The following ZNF354A variants were observed in gnomAD, a reference collection of about 807,000 sequenced individuals.
ZNF354A encodes the protein zinc finger protein 354A, also known as epididymis luminal protein 104.
Under a neutral mutation model 53.3 loss-of-function variants are expected in ZNF354A, and 25 were observed. The observed-to-expected ratio is 0.47, with a 90% CI of 0.34 to 0.66. The LOEUF (loss-of-function observed/expected upper bound fraction) is 0.66. ZNF354A is among the 30% of genes least tolerant of loss of function. ZNF354A has a pLI of 0.01. For synonymous variants in ZNF354A, 228 were observed against 249.0 expected, an observed-to-expected ratio of 0.92 and a Z score of 0.79; for missense variants, 586 against 716.8, an observed-to-expected ratio of 0.82 and a Z score of 2.08.
chr5:178,724,731 C>A (rs1033935176), intron 4 of ZNF354A, among the ~76,000 whole-genome samples: 1 of 152,206 alleles, frequency 6.6e-6, no homozygotes, highest in Non-Finnish European at 1.5e-5. Flanking sequence ...TTTCTCTCTG[C>A]TTATGTGCAC....
At chr5:178,720,947 A>G (rs73328602) in intron 4 of ZNF354A, among the ~76,000 whole-genome samples, 19,345 of 152,208 alleles carry the variant, frequency 0.13, 1,429 homozygotes, top group African/African-American at 0.19. Context: ...CTGGAACACA[A>G]TTAGGGTTGT....
In ZNF354A at chr5:178,712,752, G is replaced by A; in HGVS notation, c.1126C>T (p.His376Tyr). The A allele has an allele frequency of 6.2e-7, 1 of 1,614,056 alleles. No homozygotes were observed. The highest frequency in any genetic ancestry group is 8.5e-7 in the Non-Finnish European group (1 of 1,179,972). Reference protein sequence around the residue: ...SSSLRYHQRIHTGEKPFKCSE... With the variant: ...SSSLRYHQRIYTGEKPFKCSE... Reference sequence around the variant, plus strand: ...CATTTAAAAGGCTTCTCTCCAGTGTGAATTCTCTGATGATAACGAAGGGAT... The same window carrying A: ...CATTTAAAAGGCTTCTCTCCAGTGTAAATTCTCTGATGATAACGAAGGGAT... The change falls in exon 5 of 5, where the codon CAC becomes TAC. Residue 376 changes from histidine (H) to tyrosine (Y), a missense_variant. His to Tyr is a moderately conservative substitution (Grantham distance 83, BLOSUM62 2). This residue lies in a region of ZNF354A where 573 missense variants were observed against 680.1 expected (regional missense o/e 0.84). Coordinates refer to ENST00000335815, the MANE Select transcript of ZNF354A (RefSeq NM_005649.3).
chr5:178,728,239 T>C (rs538636148), intron 2 of ZNF354A, among the ~76,000 whole-genome samples: 2 of 152,310 alleles, frequency 1.3e-5, no homozygotes, highest in Admixed American at 6.5e-5. Context: ...TTAACTACTC[T>C]GTAAAACTGC....
chr5:178,716,165 G>A (rs890727041), intron 4 of ZNF354A, among the ~76,000 whole-genome samples: 1 of 152,046 alleles, frequency 6.6e-6, no homozygotes, highest in African/African-American at 2.4e-5. Flanking sequence ...CAAAGCGCTG[G>A]GATTACAGGT....
At position 178,725,252 on chromosome 5, in the gene ZNF354A, C is replaced by T. The variant is rs573344176; in HGVS notation, c.256+124G>A. 94 of 916,926 alleles carry T rather than the reference C, an allele frequency of 1.0e-4. 1 individual carries two copies. Among genetic ancestry groups the T allele is most frequent in the Non-Finnish European group, 1.4e-4 (77 of 560,180 alleles). The allele number at this position is 916,926 out of a possible 1,614,324, so 56.8% of individuals were successfully genotyped here. On this transcript the variant is annotated intron_variant, in intron 4 of 4. Coordinates refer to ENST00000335815, the MANE Select transcript of ZNF354A (RefSeq NM_005649.3). ...AATCCTGCCTAAGAGCCTGGGCTTC[C>T]GCTTCCCCATCACTTCTTGAGGCCT...
chr5:178,723,854 A>C (rs71611459), intron 4 of ZNF354A, among the ~76,000 whole-genome samples: 2,403 of 149,064 alleles, frequency 0.016, 15 homozygotes, highest in African/African-American at 0.022. Context: ...CCGTTTCTCT[A>C]CTCTGATTAC....
chr5:178,715,522 C>T (rs1016500602), intron 4 of ZNF354A, among the ~76,000 whole-genome samples: 3 of 152,104 alleles, frequency 2.0e-5, no homozygotes, highest in African/African-American at 4.8e-5. Flanking sequence ...GTTCCTTCTC[C>T]GTTTCAGTCT....
chr5:178,713,409 T>C lies in ZNF354A; in HGVS notation c.469A>G (p.Arg157Gly). 1.2e-6 allele frequency: 2 copies of C among 1,613,562 alleles called. No individual in the cohort carries two copies. The highest frequency in any genetic ancestry group is 2.2e-5 in the East Asian group (1 of 44,848). The change falls in exon 5 of 5, where the codon AGA becomes GGA. Residue 157 changes from arginine to glycine, a missense_variant. Coordinates refer to ENST00000335815, the MANE Select transcript of ZNF354A (RefSeq NM_005649.3). The stretch of plus-strand genomic sequence containing the variant: ...CTCAATTCAGTATTTTTATGGCTTC[T>C]TTCTATAGTGGGGATTTTTTTGTGG... Reference protein sequence around the residue: ...ATHKKIPTIERSHKNTELSQN... With the variant: ...ATHKKIPTIEGSHKNTELSQN...
intron 1 of ZNF354A, among the ~76,000 whole-genome samples, chr5:178,730,252 G>A (rs1766007113): frequency 6.6e-6 from 1 of 152,130 alleles, no homozygotes; most frequent in South Asian, 2.1e-4. Flanking sequence ...CCGGGGCCCG[G>A]CTGCGTCCGC....
intron 4 of ZNF354A, among the ~76,000 whole-genome samples, chr5:178,724,372 G>C (rs1005890522): frequency 8.6e-5 from 13 of 151,890 alleles, no homozygotes; most frequent in Non-Finnish European, 1.9e-4. Flanking sequence ...TTACAGGCCT[G>C]CCCCACCACG....
Position 178,726,980 on chromosome 5 carries a change from A to G in ZNF354A, c.160+19T>C. 1.3e-6 allele frequency: 2 copies of G among 1,593,180 alleles called. No homozygotes were observed. Among genetic ancestry groups the G allele is most frequent in the South Asian group, 2.3e-5 (2 of 87,954 alleles). Reference sequence around the variant, plus strand: ...ATCCCAATTTTTGAATTCTGTTTCTAGAGGGAAAATTTCCTTACCCAGTGA... The same window carrying G: ...ATCCCAATTTTTGAATTCTGTTTCTGGAGGGAAAATTTCCTTACCCAGTGA... On this transcript the variant is annotated intron_variant, in intron 3 of 4. Coordinates refer to ENST00000335815, the MANE Select transcript of ZNF354A (RefSeq NM_005649.3).
At position 178,717,525 on chromosome 5, in the gene ZNF354A, G is replaced by A. The variant is rs113474660; in HGVS notation, c.257-3904C>T. 1.9e-3 allele frequency among the ~76,000 whole-genome samples: 282 copies of A among 151,926 alleles called. 1 individual carries two copies. Among genetic ancestry groups the A allele is most frequent in the African/African-American group, 6.3e-3 (259 of 41,406 alleles). Reference sequence around the variant, plus strand: ...CAGGAAAGGGGCAAGGCTAGAAGGGGAAGACCAGGAAAGGGGCAAGGCTGA... The same window carrying A: ...CAGGAAAGGGGCAAGGCTAGAAGGGAAAGACCAGGAAAGGGGCAAGGCTGA... On this transcript the variant is annotated intron_variant, in intron 4 of 4. Coordinates refer to ENST00000335815, the MANE Select transcript of ZNF354A (RefSeq NM_005649.3).
rs1027491814 is a variant in ZNF354A at position 178,711,969 on chromosome 5, T to C, written c.*91A>G. ...ATGAGGGCTAAATTATTACAGTTTT[T>C]TTCACATCCATTACATTTATTACAT... On this transcript the variant is annotated 3_prime_UTR_variant, in exon 5 of 5. Transcript: ENST00000335815. 3.4e-6 allele frequency: 5 copies of C among 1,459,340 alleles called. No individual in the cohort carries two copies. The highest frequency in any genetic ancestry group is 2.4e-5 in the Admixed American group (1 of 42,398). 90.4% of individuals were successfully genotyped at this position (1,459,340 alleles called of 1,614,324 possible). A position where few individuals can be genotyped will look rare whatever the true frequency, so the allele number is the denominator to read the frequency against.
intron 3 of ZNF354A, 83 bp downstream of exon 3, chr5:178,726,916 T>C (rs916011802): frequency 1.3e-6 from 2 of 1,523,250 alleles, no homozygotes; most frequent in Admixed American, 2.2e-5. Context: ...AATTTTTCAG[T>C]GACCAACCGC....
At chr5:178,721,719 G>A (rs1765816292) in intron 4 of ZNF354A, among the ~76,000 whole-genome samples, 2 of 152,184 alleles carry the variant, frequency 1.3e-5, no homozygotes, top group South Asian at 4.1e-4. Context: ...TCTTTCCACA[G>A]GCAACTTCAA....
At chr5:178,728,782 C>CAAAAAAAAAAAAAAAAAAAAAAAA (rs1157233878) in intron 2 of ZNF354A, among the ~76,000 whole-genome samples, 1 of 50,886 alleles carries the variant, frequency 2.0e-5, no homozygotes, top group East Asian at 7.1e-4. Context: ...AAGCGAGATT[C>CAAAAAAAAAAAAAAAAAAAAAAAA]AAAAAAAAAA....
In ZNF354A at chr5:178,727,030, C is replaced by T. The variant is rs762926742; in HGVS notation, c.129G>A (p.Met43Ile). 12 of 1,613,652 alleles carry T rather than the reference C, an allele frequency of 7.4e-6. No individual in the cohort carries two copies. Among genetic ancestry groups the T allele is most frequent in the Non-Finnish European group, 9.3e-6 (11 of 1,179,884 alleles). The change falls in exon 3 of 5, where the codon ATG becomes ATA. Residue 43 changes from methionine (M) to isoleucine (I), a missense_variant. By Grantham distance (10) the Met-to-Ile change is conservative (BLOSUM62 1). This residue lies in a region of ZNF354A where 573 missense variants were observed against 680.1 expected (regional missense o/e 0.84). Coordinates refer to ENST00000335815, the MANE Select transcript of ZNF354A (RefSeq NM_005649.3). The part of the protein sequence containing the change: ...PSQRNLYRDV[M>I]LENYRNLVSL... ...AGACCAGGTTCCTATAGTTCTCCAG[C>T]ATCACATCCCGGTACAAGTTTCTCT... is the stretch of plus-strand genomic sequence containing the variant.
intron 4 of ZNF354A, among the ~76,000 whole-genome samples, chr5:178,717,447 G>C (rs752259477): frequency 6.6e-6 from 1 of 152,004 alleles, no homozygotes; most frequent in Non-Finnish European, 1.5e-5. Context: ...ATCATGCCTA[G>C]GTTTCTAGCC....
intron 3 of ZNF354A, 49 bp downstream of exon 3, chr5:178,726,950 G>A: frequency 6.3e-7 from 1 of 1,574,832 alleles, no homozygotes; most frequent in South Asian, 1.2e-5. Context: ...AGGAGGTGCT[G>A]AGATATCCCA....
Sources: gnomAD v4.1 joint callset for allele counts (sites outside exome capture counted in the v4.1 genomes callset) on GRCh38, gnomAD v4.1.1 for gene constraint, gnomAD v4.1.1 regional missense constraint, MANE v1.5 for transcripts, NCBI Gene and HGNC (gene_info 2026-07-23, HGNC 2026-07-21) for gene names.